Variants in TRIQK observed in about 807,000 individuals in gnomAD.
TRIQK encodes the protein triple QxxK/R motif containing, also known as triple QxxK/R motif-containing protein.
A neutral mutation model predicts 10.8 loss-of-function variants in TRIQK; 10 were observed. The observed-to-expected ratio is 0.92, with a 90% CI of 0.57 to 1.57. The LOEUF (loss-of-function observed/expected upper bound fraction) is 1.57, where lower values mean the gene tolerates loss of function less well. TRIQK is among the 40% of genes most tolerant of loss of function. TRIQK has a pLI of 0.00. For missense variants in TRIQK, 107 were observed against 97.7 expected (o/e 1.09, Z -0.40); for synonymous variants, 33 against 33.7 (o/e 0.98, Z 0.07).
chr8:92,891,392 G>A (rs1354448974), intron 4 of TRIQK, among the ~76,000 whole-genome samples: 1 of 151,828 alleles, frequency 6.6e-6, no homozygotes, highest in Non-Finnish European at 1.5e-5. Flanking sequence ...CCTGGCAAAA[G>A]ATTGACATGG....
At chr8:92,989,619 C>A (rs769202187) in intron 1 of TRIQK, among the ~76,000 whole-genome samples, 23 of 152,194 alleles carry the variant, frequency 1.5e-4, no homozygotes, top group Non-Finnish European at 2.6e-4. Context: ...GGAAAACAAG[C>A]TCAGGGCTCC....
chr8:92,994,439 C>G, intron 1 of TRIQK, among the ~76,000 whole-genome samples: 1 of 151,666 alleles, frequency 6.6e-6, no homozygotes, highest in Non-Finnish European at 1.5e-5. Context: ...TTTTAAAAAT[C>G]ACATAATTTT....
intron 2 of TRIQK, among the ~76,000 whole-genome samples, chr8:92,946,335 C>T (rs1225012794): frequency 6.6e-6 from 1 of 152,082 alleles, no homozygotes; most frequent in African/African-American, 2.4e-5. Context: ...CAACCTGGAA[C>T]AGCTGCAAAA....
intron 4 of TRIQK, among the ~76,000 whole-genome samples, chr8:92,887,583 G>A (rs1326667233): frequency 1.3e-5 from 2 of 150,596 alleles, no homozygotes; most frequent in Admixed American, 1.3e-4. Context: ...GAAAAAAAAA[G>A]CAAATAGAAT....
intron 2 of TRIQK, among the ~76,000 whole-genome samples, chr8:92,943,020 C>T (rs1464311658): frequency 6.6e-6 from 1 of 150,422 alleles, no homozygotes; most frequent in Non-Finnish European, 1.5e-5. Flanking sequence ...TTTATATATA[C>T]TAAAAGCAAA....
chr8:92,942,241 G>A (rs376894369), intron 2 of TRIQK, among the ~76,000 whole-genome samples: 2 of 152,068 alleles, frequency 1.3e-5, no homozygotes, highest in Admixed American at 6.6e-5. Flanking sequence ...ATGGTTCAAC[G>A]TATGCAAATC....
intron 1 of TRIQK, among the ~76,000 whole-genome samples, chr8:92,955,711 C>G (rs1000744602): frequency 2.0e-5 from 3 of 151,662 alleles, no homozygotes; most frequent in Non-Finnish European, 4.4e-5. Context: ...ATATAAAGAA[C>G]TCTCACAACT....
intron 1 of TRIQK, among the ~76,000 whole-genome samples, chr8:92,987,676 T>G (rs959113144): frequency 4.6e-5 from 7 of 152,124 alleles, no homozygotes; most frequent in African/African-American, 1.7e-4. Context: ...AAATTATAAT[T>G]TTCTCAAAAT....
At chr8:92,895,839 A>C (rs531307040) in intron 3 of TRIQK, among the ~76,000 whole-genome samples, 1 of 152,304 alleles carries the variant, frequency 6.6e-6, no homozygotes, top group East Asian at 1.9e-4. Context: ...GCAAAAAAAG[A>C]AATGACTAAA....
intron 1 of TRIQK, among the ~76,000 whole-genome samples, chr8:92,980,234 T>C (rs1812972737): frequency 6.6e-6 from 1 of 152,094 alleles, no homozygotes; most frequent in Non-Finnish European, 1.5e-5. Context: ...TATATATTAA[T>C]AGGTATTCTA....
intron 1 of TRIQK, chr8:92,960,585 C>T (rs1013550765): frequency 2.0e-5 from 3 of 152,138 alleles, no homozygotes; most frequent in Non-Finnish European, 4.4e-5. Context: ...CTGGATGTGT[C>T]TTCAAAAGTA....
intron 2 of TRIQK, among the ~76,000 whole-genome samples, chr8:92,938,076 C>T (rs1262269595): frequency 6.6e-6 from 1 of 151,880 alleles, no homozygotes; most frequent in Non-Finnish European, 1.5e-5. Flanking sequence ...TGTTTAGAGA[C>T]AAAAACTTTT....
At chr8:92,992,396 AT>A (rs533512533) in intron 1 of TRIQK, among the ~76,000 whole-genome samples, 12 of 152,166 alleles carry the variant, frequency 7.9e-5, no homozygotes, top group Non-Finnish European at 1.5e-4. Context: ...AACAAACAAT[AT>A]CAGTCTACCA....
intron 2 of TRIQK, chr8:92,928,078 T>G (rs575867455): frequency 6.6e-6 from 1 of 151,892 alleles, no homozygotes; most frequent in East Asian, 1.9e-4. Flanking sequence ...AAGGGGGATA[T>G]AAAAAGATAG....
chr8:92,926,965 C>T (rs965803139), intron 2 of TRIQK, among the ~76,000 whole-genome samples: 1 of 152,062 alleles, frequency 6.6e-6, no homozygotes, highest in African/African-American at 2.4e-5. Flanking sequence ...GTGGGAAGAT[C>T]TCTTGAGCCC....
upstream of TRIQK, among the ~76,000 whole-genome samples, chr8:92,970,675 T>G (rs1812865368): frequency 6.6e-6 from 1 of 152,178 alleles, no homozygotes; most frequent in African/African-American, 2.4e-5. Context: ...TCTGTTTAAG[T>G]TCCCTGTAGA....
chr8:92,997,145 A>T (rs1375767342), intron 1 of TRIQK, among the ~76,000 whole-genome samples: 1 of 152,012 alleles, frequency 6.6e-6, no homozygotes, highest in Non-Finnish European at 1.5e-5. Flanking sequence ...TTTGCTAGTG[A>T]TGTTCTAAGG....
At chr8:92,922,020 T>G (rs2130494929) in intron 2 of TRIQK, among the ~76,000 whole-genome samples, 1 of 151,976 alleles carries the variant, frequency 6.6e-6, no homozygotes, top group Non-Finnish European at 1.5e-5. Context: ...CATAATAATC[T>G]TCATATTCAT....
chr8:92,963,771 T>A (rs1232630606), intron 1 of TRIQK: 1 of 151,838 alleles, frequency 6.6e-6, no homozygotes, highest in African/African-American at 2.4e-5. Flanking sequence ...TGCACTCCTG[T>A]AATCCCAGCT....
Sources: gnomAD v4.1 joint callset for allele counts (sites outside exome capture counted in the v4.1 genomes callset) on GRCh38, gnomAD v4.1.1 for gene constraint, MANE v1.5 for transcripts, NCBI Gene and HGNC (gene_info 2026-07-23, HGNC 2026-07-21) for gene names.